Variants in MYRIP observed in about 807,000 individuals in gnomAD.
MYRIP encodes the protein rab effector MyRIP.
Under a neutral mutation model 98.0 loss-of-function variants are expected in MYRIP, and 49 were observed. The ratio of observed to expected loss-of-function variants is 0.50; its 90% CI spans 0.40 to 0.63. MYRIP has a LOEUF of 0.63. MYRIP is among the 30% of genes least tolerant of loss of function. The pLI, the probability that MYRIP is intolerant of heterozygous loss-of-function variation, is 0.00. For missense variants in MYRIP, 1,004 were observed against 1,058.2 expected, an observed-to-expected ratio of 0.95 and a Z score of 0.71; for synonymous variants, 404 against 409.5, an observed-to-expected ratio of 0.99 and a Z score of 0.16.
chr3:40,090,407 G>A (rs1461472036), intron 3 of MYRIP, among the ~76,000 whole-genome samples: 1 of 152,184 alleles, frequency 6.6e-6, no homozygotes, highest in Non-Finnish European at 1.5e-5. Flanking sequence ...AAGGGGCAGT[G>A]GGGGAGTTTG....
chr3:40,143,934 G>C (rs1322790245), intron 3 of MYRIP, among the ~76,000 whole-genome samples: 1 of 152,196 alleles, frequency 6.6e-6, no homozygotes, highest in African/African-American at 2.4e-5. Flanking sequence ...TCTGAGACTT[G>C]AGTAAGCTGA....
intron 4 of MYRIP, among the ~76,000 whole-genome samples, chr3:40,154,017 G>A (rs1380453210): frequency 6.6e-6 from 1 of 151,996 alleles, no homozygotes; most frequent in Non-Finnish European, 1.5e-5. Context: ...GCACTCACCT[G>A]TACTCCCAGC....
rs1395429067 is a variant in MYRIP, at chr3:40,162,758, G to A, written c.498G>A (p.Glu166=). 1 of 1,614,124 alleles carries A rather than the reference G, an allele frequency of 6.2e-7. No homozygotes were observed. Among genetic ancestry groups the A allele is most frequent in the South Asian group, 1.1e-5 (1 of 91,074 alleles). ...GAAGCCTTTTTGAGTCAAACCTGGA[G>A]AATGAAGGAAGCATTTCTGGCAGTG... The part of the protein sequence containing the change: ...LGGSLFESNL[E]NEGSISGSDS... Residue 166 remains glutamate (E), a synonymous_variant, in exon 5 of 17, where the codon GAG becomes GAA. Transcript: ENST00000302541.
At chr3:40,206,801 G>T (rs1338734660) in intron 10 of MYRIP, among the ~76,000 whole-genome samples, 1 of 152,158 alleles carries the variant, frequency 6.6e-6, no homozygotes, top group Non-Finnish European at 1.5e-5. Context: ...CTGAATCACA[G>T]CAATTCTTCA....
At chr3:39,904,207 T>C (rs76164600) in intron 2 of MYRIP, among the ~76,000 whole-genome samples, 3,510 of 152,332 alleles carry the variant, frequency 0.023, 129 homozygotes, top group African/African-American at 0.079. Context: ...TTTAAATTTT[T>C]TAAAAATTCA....
At chr3:39,992,866 T>C (rs1009886261) in intron 2 of MYRIP, among the ~76,000 whole-genome samples, 4 of 152,226 alleles carry the variant, frequency 2.6e-5, no homozygotes, top group African/African-American at 7.2e-5. Context: ...TGTGGCTCCA[T>C]TCCAATAATC....
intron 3 of MYRIP, among the ~76,000 whole-genome samples, chr3:40,074,643 T>C (rs1341779742): frequency 6.6e-6 from 1 of 151,764 alleles, no homozygotes; most frequent in Non-Finnish European, 1.5e-5. Flanking sequence ...AAAGCAGAAA[T>C]TAATTAATTT....
rs530417830 is a variant in MYRIP, at chr3:39,937,837, T to C, written c.110+36911T>C. 1.5e-3 allele frequency among the ~76,000 whole-genome samples: 227 copies of C among 152,322 alleles called. 5 individuals are homozygous for C. In the South Asian group the frequency reaches 0.045, roughly 30 times the overall value. On this transcript the variant is annotated intron_variant, in intron 2 of 16. Coordinates refer to ENST00000302541, the MANE Select transcript of MYRIP (RefSeq NM_015460.4). Reference sequence around the variant, plus strand: ...GGGAAGAATGAACACTCCACTGATATATACTATGTATGATAGGTATATGCT... The same window carrying C: ...GGGAAGAATGAACACTCCACTGATACATACTATGTATGATAGGTATATGCT...
chr3:39,888,292 C>G (rs1943369055), intron 1 of MYRIP, among the ~76,000 whole-genome samples: 1 of 152,068 alleles, frequency 6.6e-6, no homozygotes, highest in Non-Finnish European at 1.5e-5. Context: ...TACAAGGCTA[C>G]AGTAACCAAA....
At chr3:40,050,708 A>G (rs1052420340) in intron 3 of MYRIP, among the ~76,000 whole-genome samples, 1 of 152,194 alleles carries the variant, frequency 6.6e-6, no homozygotes, top group Non-Finnish European at 1.5e-5. Flanking sequence ...TAAATTGAAA[A>G]CAAACCTTTT....
At chr3:40,134,547 G>T (rs568150916) in intron 3 of MYRIP, among the ~76,000 whole-genome samples, 1 of 152,246 alleles carries the variant, frequency 6.6e-6, no homozygotes, top group Non-Finnish European at 1.5e-5. Flanking sequence ...GGTTCTCCCA[G>T]CATGCAGCTT....
chr3:40,056,159 G>A (rs1342248757), intron 3 of MYRIP, among the ~76,000 whole-genome samples: 2 of 152,138 alleles, frequency 1.3e-5, no homozygotes, highest in Non-Finnish European at 2.9e-5. Flanking sequence ...ACCATGCCTG[G>A]GCATTCTTTC....
At chr3:40,078,038 G>A (rs972605563) in intron 3 of MYRIP, among the ~76,000 whole-genome samples, 2 of 152,262 alleles carry the variant, frequency 1.3e-5, no homozygotes, top group African/African-American at 4.8e-5. Flanking sequence ...GGGAGGCTCA[G>A]GCATGGCGGG....
intron 11 of MYRIP, among the ~76,000 whole-genome samples, chr3:40,227,613 A>C (rs1952526002): frequency 6.6e-6 from 1 of 152,252 alleles, no homozygotes; most frequent in African/African-American, 2.4e-5. Flanking sequence ...AGAGCAGCAA[A>C]GTTTAACCTT....
rs1313920148 is a variant in MYRIP at position 40,258,554 on chromosome 3, T to C, written c.*388T>C. On this transcript the variant is annotated 3_prime_UTR_variant, in exon 17 of 17. Transcript: ENST00000302541. Reference sequence around the variant, plus strand: ...GTCAACAATTTGTCCAAAGGAAAACTGCTGGAGGGAGGTGGAGGGAGGAAG... The same window carrying C: ...GTCAACAATTTGTCCAAAGGAAAACCGCTGGAGGGAGGTGGAGGGAGGAAG... 4.8e-6 allele frequency: 1 copy of C among 210,064 alleles called. No homozygotes were observed. The highest frequency in any genetic ancestry group is 9.8e-6 in the Non-Finnish European group (1 of 101,864). 13.0% of individuals were successfully genotyped at this position (210,064 alleles called of 1,614,324 possible).
intron 1 of MYRIP, among the ~76,000 whole-genome samples, chr3:39,883,292 A>G (rs769003887): frequency 6.6e-5 from 10 of 152,202 alleles, no homozygotes; most frequent in Non-Finnish European, 1.3e-4. Context: ...CTTAGCTTCA[A>G]ATTGTCCCAA....
At chr3:39,888,635 T>G (rs552435815) in intron 1 of MYRIP, among the ~76,000 whole-genome samples, 22 of 152,288 alleles carry the variant, frequency 1.4e-4, no homozygotes, top group African/African-American at 4.3e-4. Context: ...ACTTCATGTC[T>G]AAAACACCAA....
chr3:40,218,612 TTATATA>T (rs751894190), intron 11 of MYRIP, among the ~76,000 whole-genome samples: 208 of 13,506 alleles, frequency 0.015, 1 homozygote, highest in African/African-American at 0.025. Flanking sequence ...TATATATATT[TTATATA>T]TATATATATA....
chr3:39,978,048 C>T (rs900762584), intron 2 of MYRIP, among the ~76,000 whole-genome samples: 2 of 152,074 alleles, frequency 1.3e-5, no homozygotes, highest in Non-Finnish European at 2.9e-5. Flanking sequence ...CTCAACAGGA[C>T]ACCTGATATA....
Sources: allele counts gnomAD v4.1 joint callset (sites outside exome capture counted in the v4.1 genomes callset), GRCh38; gene constraint gnomAD v4.1.1; transcripts MANE v1.5; gene names NCBI Gene and HGNC (gene_info 2026-07-23, HGNC 2026-07-21).